Variants in VWA3B observed in about 807,000 individuals in gnomAD.
The protein encoded by VWA3B is von Willebrand factor A domain-containing protein 3B.
In VWA3B, 138 loss-of-function variants were observed where a neutral mutation model predicts 158.3. The ratio of observed to expected loss-of-function variants is 0.87; its 90% CI spans 0.76 to 1.00. The LOEUF (loss-of-function observed/expected upper bound fraction) is 1.00, where lower values mean the gene tolerates loss of function less well. Ranked by LOEUF, VWA3B falls within the 50% of genes least tolerant of loss-of-function variation. VWA3B has a pLI of 0.00. For synonymous variants in VWA3B, 596 were observed against 587.3 expected (o/e 1.01, Z -0.21); for missense variants, 1,555 against 1,565.1 (o/e 0.99, Z 0.11).
intron 7 of VWA3B, among the ~76,000 whole-genome samples, chr2:98,153,818 C>T (rs1371692068): frequency 6.6e-6 from 1 of 152,196 alleles, no homozygotes; most frequent in East Asian, 1.9e-4. Context: ...TAATTCCCTT[C>T]AAAGTCCTGC....
intron 9 of VWA3B, among the ~76,000 whole-genome samples, chr2:98,187,658 C>CTG (rs1389987333): frequency 1.1e-4 from 12 of 109,812 alleles, no homozygotes; most frequent in East Asian, 6.0e-4. Flanking sequence ...CTCTCCGTCT[C>CTG]TGTGTCTGTG....
the VWA3B span, among the ~76,000 whole-genome samples, chr2:98,329,593 G>T: frequency 6.7e-6 from 1 of 150,228 alleles, no homozygotes; most frequent in Non-Finnish European, 1.5e-5. Context: ...TAGCCATCAG[G>T]GAAATTATGG....
At chr2:98,314,037 C>T (rs777016516), downstream of VWA3B, among the ~76,000 whole-genome samples, 9 of 152,122 alleles carry the variant, frequency 5.9e-5, no homozygotes, top group Non-Finnish European at 1.0e-4. Context: ...AAACACTGGG[C>T]GTCAGGTGAT....
intron 12 of VWA3B, among the ~76,000 whole-genome samples, chr2:98,205,337 C>T (rs1019308781): frequency 6.6e-6 from 1 of 152,116 alleles, no homozygotes; most frequent in Admixed American, 6.5e-5. Context: ...ATAATATTCT[C>T]TTATTGTCCT....
intron 8 of VWA3B, among the ~76,000 whole-genome samples, chr2:98,176,442 T>TCTCC (rs374759885): frequency 1.1e-4 from 16 of 147,964 alleles, no homozygotes; most frequent in East Asian, 4.0e-4. Context: ...ATACCAAACA[T>TCTCC]CTCCCTCCCT....
the VWA3B span, among the ~76,000 whole-genome samples, chr2:98,324,037 C>A: frequency 1.3e-5 from 2 of 152,126 alleles, no homozygotes; most frequent in African/African-American, 4.8e-5. Context: ...GTCTTTCTGG[C>A]TTGAAAAACC....
intron 2 of VWA3B, among the ~76,000 whole-genome samples, chr2:98,102,134 A>ACCGCCCTTG (rs1374786246): frequency 1.3e-5 from 2 of 152,074 alleles, no homozygotes; most frequent in African/African-American, 4.8e-5. Flanking sequence ...CACTGCCCTT[A>ACCGCCCTTG]ATCCATTTAA....
intron 22 of VWA3B, among the ~76,000 whole-genome samples, chr2:98,286,642 A>G (rs191645786): frequency 3.0e-4 from 45 of 152,254 alleles, no homozygotes; most frequent in African/African-American, 1.0e-3. Flanking sequence ...TGGCCATTGT[A>G]TATAATCCTT....
chr2:98,217,855 A>G lies in VWA3B; in HGVS notation c.1846A>G (p.Thr616Ala). 1 of 1,585,016 alleles carries G rather than the reference A, an allele frequency of 6.3e-7. No individual in the cohort carries two copies. Among genetic ancestry groups the G allele is most frequent in the Non-Finnish European group, 8.6e-7 (1 of 1,169,502 alleles). The change falls in exon 14 of 28, where the codon ACA becomes GCA. Residue 616 changes from threonine to alanine, a missense_variant. By Grantham distance (58) the Thr-to-Ala change is moderately conservative. Coordinates refer to ENST00000477737, the MANE Select transcript of VWA3B (RefSeq NM_144992.5). Reference sequence around the variant, plus strand: ...AAACTTATCGTTTCAGCCACCTGAAACAGTTATAGACCAGGTCAAACGTTT... The same window carrying G: ...AAACTTATCGTTTCAGCCACCTGAAGCAGTTATAGACCAGGTCAAACGTTT... ...TDGRPDQPPETVIDQVKRFQE... is the reference protein window; with the variant it reads ...TDGRPDQPPEAVIDQVKRFQE...
chr2:98,252,501 T>G (rs1686860512), intron 20 of VWA3B, among the ~76,000 whole-genome samples: 1 of 151,596 alleles, frequency 6.6e-6, no homozygotes, highest in Admixed American at 6.6e-5. Flanking sequence ...TTCGCGGGGG[T>G]TTCCTGCTTG....
chr2:98,217,551 G>A (rs747985162), intron 13 of VWA3B, among the ~76,000 whole-genome samples: 49 of 152,278 alleles, frequency 3.2e-4, no homozygotes, highest in Admixed American at 9.8e-4. Context: ...GTAAGTTCAG[G>A]CACACCTAAA....
intron 25 of VWA3B, among the ~76,000 whole-genome samples, chr2:98,300,463 G>A (rs537883756): frequency 1.3e-5 from 2 of 152,130 alleles, no homozygotes; most frequent in African/African-American, 2.4e-5. Flanking sequence ...TGCATTTGAC[G>A]GACTGGCAGG....
At chr2:98,099,320 A>T (rs550537911) in intron 2 of VWA3B, 2 of 152,100 alleles carry the variant, frequency 1.3e-5, no homozygotes, top group Admixed American at 6.5e-5. Context: ...TCTCTCCTTC[A>T]TTTGGGAAGG....
intron 7 of VWA3B, 30 bp downstream of exon 7, chr2:98,133,969 C>T (rs750940217): frequency 9.4e-6 from 15 of 1,588,734 alleles, no homozygotes; most frequent in Non-Finnish European, 1.3e-5. Flanking sequence ...AGTGGTGTAG[C>T]TTATGTCCCG....
At chr2:98,162,737 T>G in intron 7 of VWA3B, 114 bp from the exon 8 acceptor site, 1 of 1,407,798 alleles carries the variant, frequency 7.1e-7, no homozygotes, top group Non-Finnish European at 9.5e-7. Context: ...AAGCGGAATT[T>G]GATGTTCAGA....
At chr2:98,112,624 G>T in intron 2 of VWA3B, among the ~76,000 whole-genome samples, 1 of 150,536 alleles carries the variant, frequency 6.6e-6, no homozygotes, top group South Asian at 2.1e-4. Flanking sequence ...GCCTTCTTTT[G>T]GTTTTCTTTG....
chr2:98,162,387 C>T, intron 7 of VWA3B, among the ~76,000 whole-genome samples: 1 of 152,174 alleles, frequency 6.6e-6, no homozygotes, highest in African/African-American at 2.4e-5. Context: ...GGAGACCAGG[C>T]AATCACTATT....
At chr2:98,327,976 C>T in the VWA3B span, among the ~76,000 whole-genome samples, 2 of 152,156 alleles carry the variant, frequency 1.3e-5, no homozygotes, top group African/African-American at 4.8e-5. Flanking sequence ...AACAGAGACT[C>T]CCCACTATGC....
rs750411533 is a variant in VWA3B, at chr2:98,115,686, T to C, written c.231T>C (p.Ser77=). 3.7e-6 allele frequency: 6 copies of C among 1,613,830 alleles called. No individual in the cohort carries two copies. The highest frequency in any genetic ancestry group is 1.7e-6 in the Non-Finnish European group (2 of 1,180,044). ...CGTCTCTGGGGAGACCTGTGGCTTC[T>C]CGGTATGCTGATGGTCTGTTTCCAC... ...YVASLGRPVA[S]RYADGLFPQL... is the part of the protein sequence containing the mutation. The change falls in exon 3 of 28, where the codon TCT becomes TCC. Residue 77 remains serine, a synonymous_variant. Coordinates refer to ENST00000477737, the MANE Select transcript of VWA3B (RefSeq NM_144992.5).
Sources: gnomAD v4.1 joint callset for allele counts (sites outside exome capture counted in the v4.1 genomes callset) on GRCh38, gnomAD v4.1.1 for gene constraint, MANE v1.5 for transcripts, NCBI Gene and HGNC (gene_info 2026-07-23, HGNC 2026-07-21) for gene names.